The following AARS1 variants were observed in gnomAD, a reference collection of about 807,000 sequenced individuals.
The protein encoded by AARS1 is alanyl-tRNA synthetase 1.
AARS1 carries 72 observed loss-of-function variants against 108.9 expected under a neutral mutation model. That is an observed-to-expected ratio of 0.66 (90% CI 0.55 to 0.80). AARS1 has a LOEUF of 0.80. AARS1 is among the 30% of genes least tolerant of loss of function. The pLI is 0.00. For synonymous variants in AARS1, 489 were observed against 465.7 expected, an observed-to-expected ratio of 1.05 and a Z score of -0.64; for missense variants, 1,193 against 1,233.2, an observed-to-expected ratio of 0.97 and a Z score of 0.49.
At chr16:70,254,971 G>C (rs1212066878) in intron 16 of AARS1, among the ~76,000 whole-genome samples, 4 of 152,144 alleles carry the variant, frequency 2.6e-5, no homozygotes, top group Non-Finnish European at 2.9e-5. Context: ...TCAAGCTCGA[G>C]AATCAGGAGC....
chr16:70,282,382 C>A (rs1285184902), intron 2 of AARS1, among the ~76,000 whole-genome samples: 1 of 149,390 alleles, frequency 6.7e-6, no homozygotes, highest in Admixed American at 6.7e-5. Flanking sequence ...GTACTATGTG[C>A]GAAATACCGT....
At chr16:70,266,546 G>C (rs1285427091) in intron 9 of AARS1, among the ~76,000 whole-genome samples, 1 of 150,596 alleles carries the variant, frequency 6.6e-6, no homozygotes, top group African/African-American at 2.4e-5. Context: ...TTTTTTTTGA[G>C]AGTCTCACTC....
intron 4 of AARS1, among the ~76,000 whole-genome samples, chr16:70,274,428 TG>T (rs1960487634): frequency 6.6e-6 from 1 of 150,678 alleles, no homozygotes; most frequent in East Asian, 2.0e-4. Flanking sequence ...ACAACTCTGT[TG>T]AAAAAGACAG....
intron 1 of AARS1, among the ~76,000 whole-genome samples, chr16:70,288,805 G>A (rs1254862672): frequency 6.6e-6 from 1 of 151,730 alleles, no homozygotes; most frequent in Non-Finnish European, 1.5e-5. Context: ...GACCTCAGGT[G>A]ATCCGCCCGC....
rs1303849659 is a variant in AARS1 at position 70,263,809 on chromosome 16, G to GT, written c.1492+1148dup. Among the ~76,000 whole-genome samples, 3 of 151,758 alleles carry GT rather than the reference G, an allele frequency of 2.0e-5. No homozygotes were observed. The East Asian group carries it at 6.1e-4, about 31-fold the overall frequency. ...GCGCCACCACACCTAGCTAATTTTTGTATTTCTGGTAGAGACAGGGTTTCG... is the reference window on the plus strand; with the variant it reads ...GCGCCACCACACCTAGCTAATTTTTGTTATTTCTGGTAGAGACAGGGTTTCG... On this transcript the variant is annotated intron_variant, in intron 11 of 20. Transcript: ENST00000261772.
intron 4 of AARS1, among the ~76,000 whole-genome samples, chr16:70,275,363 C>A (rs1960513646): frequency 6.6e-6 from 1 of 152,064 alleles, no homozygotes; most frequent in African/African-American, 2.4e-5. Flanking sequence ...TGCCTGTAAT[C>A]CCAGCACTTT....
Position 70,261,226 on chromosome 16 carries a change from A to G in AARS1, c.1672-69T>C, listed in dbSNP as rs1960124574. 1.2e-5 allele frequency: 14 copies of G among 1,175,026 alleles called. No individual in the cohort carries two copies. The South Asian group carries it at 1.5e-4, about 13-fold the overall frequency. The allele number at this position is 1,175,026 out of a possible 1,614,324, so 72.8% of individuals were successfully genotyped here. A position where few individuals can be genotyped will look rare whatever the true frequency, so the allele number is the denominator to read the frequency against. On this transcript the variant is annotated intron_variant, in intron 12 of 20. Transcript: ENST00000261772. ...ACATACAAATTTTCTTATATTTTCAATATAAACTCGTGTATATAACTTCTC... is the reference window on the plus strand; with the variant it reads ...ACATACAAATTTTCTTATATTTTCAGTATAAACTCGTGTATATAACTTCTC...
chr16:70,271,466 T>A (rs1960400131), intron 5 of AARS1, among the ~76,000 whole-genome samples: 1 of 151,118 alleles, frequency 6.6e-6, no homozygotes, highest in African/African-American at 2.4e-5. Flanking sequence ...GCACAGATGT[T>A]GCAGTAAGCC....
At position 70,254,741 on chromosome 16, in the gene AARS1, G is replaced by A; in HGVS notation, c.2287-7C>T. On this transcript the variant is annotated splice_polypyrimidine_tract_variant and splice_region_variant and intron_variant, in intron 16 of 20. Coordinates refer to ENST00000261772, the MANE Select transcript of AARS1 (RefSeq NM_001605.3). Reference sequence around the variant, plus strand: ...TCTCTGCTTTCCTGAGGGCCTGGGAGGGGACACCGGGTCAACCCCAAGCAG... The same window carrying A: ...TCTCTGCTTTCCTGAGGGCCTGGGAAGGGACACCGGGTCAACCCCAAGCAG... 2 of 1,585,946 alleles carry A rather than the reference G, an allele frequency of 1.3e-6. No individual in the cohort carries two copies. The highest frequency in any genetic ancestry group is 1.7e-6 in the Non-Finnish European group (2 of 1,154,798).
In AARS1 at chr16:70,276,391, C is replaced by A. The variant is rs970512335; in HGVS notation, c.479+95G>T. 2.8e-6 allele frequency: 4 copies of A among 1,419,408 alleles called. No homozygotes were observed. In the African/African-American group the frequency reaches 5.6e-5, roughly 20 times the overall value. The allele number at this position is 1,419,408 out of a possible 1,614,324, so 87.9% of individuals were successfully genotyped here. On this transcript the variant is annotated intron_variant, in intron 4 of 20. Coordinates refer to ENST00000261772, the MANE Select transcript of AARS1 (RefSeq NM_001605.3). ...GCATCTCAAAAGGAACCCTGAGATGCAAAATGACCACATATTCCAGGTCAT... is the reference window on the plus strand; with the variant it reads ...GCATCTCAAAAGGAACCCTGAGATGAAAAATGACCACATATTCCAGGTCAT...
chr16:70,258,711 GC>G (rs1960057359), intron 14 of AARS1, among the ~76,000 whole-genome samples: 1 of 152,108 alleles, frequency 6.6e-6, no homozygotes. Flanking sequence ...GACTACAGGT[GC>G]CCGCCACCAC....
chr16:70,282,890 T>G (rs1960738911), intron 1 of AARS1, 106 bp from the exon 2 acceptor site: 1 of 1,099,836 alleles, frequency 9.1e-7, no homozygotes, highest in Admixed American at 1.8e-5. Context: ...ACGACTCAGG[T>G]GAGCTGTTTG....
intron 5 of AARS1, among the ~76,000 whole-genome samples, 176 bp from the exon 6 acceptor site, chr16:70,270,516 AT>A (rs1960372577): frequency 6.6e-6 from 1 of 152,100 alleles, no homozygotes. Context: ...GGAAGAGTTC[AT>A]TCTTAAATGA....
rs758250941 is a variant in AARS1, at chr16:70,254,727, C to T, written c.2294G>A (p.Arg765Lys). 1 of 1,612,322 alleles carries T rather than the reference C, an allele frequency of 6.2e-7. No individual in the cohort carries two copies. Among genetic ancestry groups the T allele is most frequent in the Non-Finnish European group, 8.5e-7 (1 of 1,178,482 alleles). Reference sequence around the variant, plus strand: ...ACATTTCTTCAAGCTCTCTGCTTTCCTGAGGGCCTGGGAGGGGACACCGGG... The same window carrying T: ...ACATTTCTTCAAGCTCTCTGCTTTCTTGAGGGCCTGGGAGGGGACACCGGG... Reference protein sequence around the residue: ...VTGAEAQKALRKAESLKKCLS... With the variant: ...VTGAEAQKALKKAESLKKCLS... The change falls in exon 17 of 21, where the codon AGG becomes AAG. Residue 765 changes from arginine (R) to lysine (K), a missense_variant. Transcript: ENST00000261772.
At chr16:70,259,504 A>C (rs555493193) in intron 13 of AARS1, among the ~76,000 whole-genome samples, 1 of 152,210 alleles carries the variant, frequency 6.6e-6, no homozygotes, top group African/African-American at 2.4e-5. Context: ...ATTTTTAGAG[A>C]CAGGGTCTTG....
At chr16:70,267,602 G>A in intron 9 of AARS1, 57 bp downstream of exon 9, 1 of 1,606,070 alleles carries the variant, frequency 6.2e-7, no homozygotes, top group South Asian at 1.1e-5. Context: ...GAAAGGGCTT[G>A]TCTTTCCCAG....
chr16:70,273,658 C>T (rs186873266), intron 4 of AARS1, among the ~76,000 whole-genome samples: 34 of 151,682 alleles, frequency 2.2e-4, no homozygotes, highest in East Asian at 1.2e-3. Flanking sequence ...GTCATGAGAT[C>T]GAGACCATCC....
intron 8 of AARS1, 61 bp from the exon 9 acceptor site, chr16:70,267,870 C>T: frequency 5.6e-6 from 9 of 1,610,912 alleles, no homozygotes; most frequent in Non-Finnish European, 7.6e-6. Context: ...CCTGCCCCGT[C>T]TTAAAAAAGC....
In AARS1 at chr16:70,270,220, G is replaced by A. The variant is rs370536219; in HGVS notation, c.792C>T (p.Val264=). 2 of 1,613,968 alleles carry A rather than the reference G, an allele frequency of 1.2e-6. No homozygotes were observed. Among genetic ancestry groups the A allele is most frequent in the Non-Finnish European group, 1.7e-6 (2 of 1,180,020 alleles). ...KMSNYDTDLF[V]PYFEAIQKGT... is the part of the protein sequence containing the mutation. ...CCTTCTGAATGGCTTCAAAGTAAGG[G>A]ACAAAAAGGTCAGTGTCATAGTTGG... The change falls in exon 6 of 21, where the codon GTC becomes GTT. Residue 264 remains valine, a synonymous_variant. Coordinates refer to ENST00000261772, the MANE Select transcript of AARS1 (RefSeq NM_001605.3).
Sources: gnomAD v4.1 joint callset for allele counts (sites outside exome capture counted in the v4.1 genomes callset) on GRCh38, gnomAD v4.1.1 for gene constraint, MANE v1.5 for transcripts, NCBI Gene and HGNC (gene_info 2026-07-23, HGNC 2026-07-21) for gene names.